OR4P4: variants seen among roughly 807,000 people sequenced by gnomAD.
OR4P4 encodes the protein olfactory receptor family 4 subfamily P member 4, also known as olfactory receptor 4P4.
In OR4P4, 1 loss-of-function variant was observed where a neutral mutation model predicts 2.1. That is an observed-to-expected ratio of 0.47 (90% confidence interval 0.17 to 2.21). OR4P4 has a LOEUF of 2.21. Among genes scored for constraint, OR4P4 ranks in the 30% most tolerant of loss-of-function variants. The probability of loss-of-function intolerance (pLI) is 0.27; values close to 1 mark genes in which losing one functional copy is unlikely to be tolerated. For synonymous variants in OR4P4, 129 were observed against 133.2 expected (o/e 0.97, Z 0.22); for missense variants, 375 against 376.5 (o/e 1.00, Z 0.03).
rs757634492 is a variant in OR4P4 at position 55,638,032 on chromosome 11, T to C, written c.-30-296T>C. ...TTGTATTACAATATTGTATATTACATTAGACTTTGGAAATAAACATTCCCT... is the reference window on the plus strand; with the variant it reads ...TTGTATTACAATATTGTATATTACACTAGACTTTGGAAATAAACATTCCCT... On this transcript the variant is annotated intron_variant, in intron 1 of 1. Transcript: ENST00000641760. Among the ~76,000 whole-genome samples the C allele has an allele frequency of 3.0e-4, 41 of 138,338 alleles. 4 individuals are homozygous for C. The highest frequency in any genetic ancestry group is 6.3e-4 in the African/African-American group (25 of 39,902). 90.8% of individuals were successfully genotyped at this position (138,338 alleles called of 152,430 possible).
rs978284115 is a variant in OR4P4, at chr11:55,635,924, T to C, written c.-31+708T>C. On this transcript the variant is annotated intron_variant, in intron 1 of 1. Coordinates refer to ENST00000641760, the Ensembl canonical transcript of OR4P4. ...CCACTGGGGATGAGATGACATATTCTAGAAAAATAAGATAAATGTCAACAG... is the reference window on the plus strand; with the variant it reads ...CCACTGGGGATGAGATGACATATTCCAGAAAAATAAGATAAATGTCAACAG... Among the ~76,000 whole-genome samples the C allele has an allele frequency of 8.7e-5, 12 of 137,472 alleles. 1 individual carries two copies. The highest frequency in any genetic ancestry group is 2.5e-4 in the African/African-American group (10 of 39,844). The allele number at this position is 137,472 out of a possible 152,430, so 90.2% of individuals were successfully genotyped here.
In OR4P4 at chr11:55,638,771, G is replaced by C. The variant is rs376270042; in HGVS notation, c.414G>C (p.Lys138Asn). 2.0e-6 allele frequency: 3 copies of C among 1,492,862 alleles called. 1 individual carries two copies. Among genetic ancestry groups the C allele is most frequent in the Non-Finnish European group, 2.7e-6 (3 of 1,098,016 alleles). The allele number at this position is 1,492,862 out of a possible 1,614,324, so 92.5% of individuals were successfully genotyped here. A position where few individuals can be genotyped will look rare whatever the true frequency, so the allele number is the denominator to read the frequency against. ...ACACCATTATTATGAGCAGGCAAAA[G>C]TGTAACACAATCATCATAGTTTGTT... The change falls in exon 2 of 2, where the codon AAG becomes AAC. Residue 138 changes from lysine (K) to asparagine (N), a missense_variant. Transcript: ENST00000641760.
rs147887185 is a variant in OR4P4 at position 55,639,174 on chromosome 11, T to C, written c.817T>C (p.Tyr273His). The change falls in exon 2 of 2, where the codon TAT becomes CAT. Residue 273 changes from tyrosine to histidine, a missense_variant. Tyr to His is a moderately conservative substitution (Grantham distance 83, BLOSUM62 2). Transcript: ENST00000641760. ...AGAAGATAAAGTGTTTGCCCTTTTT[T>C]ATACCATCATTGCTCCCATGTTCAA... 1.7e-5 allele frequency: 25 copies of C among 1,489,544 alleles called. 4 individuals carry two copies. The African/African-American group carries it at 2.7e-4, about 16-fold the overall frequency. 92.3% of individuals were successfully genotyped at this position (1,489,544 alleles called of 1,614,324 possible).
At chr11:55,640,048 C>T (rs7113331) in exon 2 of OR4P4, 7,164 of 134,398 alleles carry the variant, frequency 0.053, 1,519 homozygotes, top group Non-Finnish European at 0.083. Context: ...GCAGGAGAAT[C>T]GCTTGAACTC....
At chr11:55,636,514 G>C (rs1858390094) in intron 1 of OR4P4, among the ~76,000 whole-genome samples, 2 of 137,546 alleles carry the variant, frequency 1.5e-5, no homozygotes, top group South Asian at 4.7e-4. Context: ...TTCAGAGTTG[G>C]GACAGTCAGG....
In OR4P4 at chr11:55,636,903, T is replaced by C. The variant is rs190788714; in HGVS notation, c.-30-1425T>C. ...AAACAAGTTATAAAATTTGCAAGAT[T>C]ACATTTGAAGTTAGTGGCTGAATTA... On this transcript the variant is annotated intron_variant, in intron 1 of 1. Coordinates refer to ENST00000641760, the Ensembl canonical transcript of OR4P4. Among the ~76,000 whole-genome samples, 6 of 138,244 alleles carry C rather than the reference T, an allele frequency of 4.3e-5. 1 individual carries two copies. In the East Asian group the frequency reaches 1.4e-3, roughly 32 times the overall value. The allele number at this position is 138,244 out of a possible 152,430, so 90.7% of individuals were successfully genotyped here.
rs757191509 is a variant in OR4P4, at chr11:55,638,486, A to G, written c.129A>G (p.Ile43Met). The G allele has an allele frequency of 8.1e-6, 12 of 1,478,806 alleles. 5 individuals are homozygous for G. The East Asian group carries it at 2.1e-4, about 25-fold the overall frequency. The allele number at this position is 1,478,806 out of a possible 1,614,324, so 91.6% of individuals were successfully genotyped here. ...CTATTTGGATGGGAAACTTACTCATAATGATTTCTATCACGTGCACCCAGC... is the reference window on the plus strand; with the variant it reads ...CTATTTGGATGGGAAACTTACTCATGATGATTTCTATCACGTGCACCCAGC... The change falls in exon 2 of 2, where the codon ATA becomes ATG. Residue 43 changes from isoleucine to methionine, a missense_variant. Ile to Met is a conservative substitution (Grantham distance 10). Coordinates refer to ENST00000641760, the Ensembl canonical transcript of OR4P4.
exon 2 of OR4P4, chr11:55,638,457 A>C: frequency 6.8e-7 from 1 of 1,467,618 alleles, no homozygotes; most frequent in Non-Finnish European, 9.3e-7. Flanking sequence ...GTTTTGCTAC[A>C]TTGCTATTTG....
At chr11:55,637,905 G>T (rs1361187242) in intron 1 of OR4P4, among the ~76,000 whole-genome samples, 3 of 137,924 alleles carry the variant, frequency 2.2e-5, no homozygotes, top group African/African-American at 7.5e-5. Flanking sequence ...TTAATTCAAT[G>T]AATTTTCTAC....
rs1858406344 is a variant in OR4P4, at chr11:55,637,843, G to T, written c.-30-485G>T. 1.4e-5 allele frequency among the ~76,000 whole-genome samples: 2 copies of T among 138,102 alleles called. 1 individual carries two copies. Among genetic ancestry groups the T allele is most frequent in the African/African-American group, 5.0e-5 (2 of 39,944 alleles). The allele number at this position is 138,102 out of a possible 152,430, so 90.6% of individuals were successfully genotyped here. ...ACCTACAACGTTGGTTTTAGTTTAT[G>T]CAATCAAATCCCATTTGTTGATATC... On this transcript the variant is annotated intron_variant, in intron 1 of 1. Transcript: ENST00000641760.
exon 2 of OR4P4, chr11:55,638,678 C>T (rs1444679059): frequency 2.7e-6 from 4 of 1,490,900 alleles, no homozygotes; most frequent in Non-Finnish European, 3.7e-6. Flanking sequence ...TTTTTGGAGG[C>T]ATAGAGATCT....
At position 55,639,955 on chromosome 11, in the gene OR4P4, G is replaced by A. The variant is rs1858438484; in HGVS notation, c.*659G>A. On this transcript the variant is annotated 3_prime_UTR_variant, in exon 2 of 2. Coordinates refer to ENST00000641760, the Ensembl canonical transcript of OR4P4. ...TCGAGACCAGCCTGGCCAAGATGGT[G>A]AAACCCCGTCACTACTAAAAATACA... 2.2e-5 allele frequency: 3 copies of A among 135,796 alleles called. No individual in the cohort carries two copies. In the South Asian group the frequency reaches 7.3e-4, roughly 33 times the overall value. 8.4% of individuals were successfully genotyped at this position (135,796 alleles called of 1,614,324 possible).
chr11:55,639,482 C>T lies in OR4P4; in HGVS notation c.*186C>T, dbSNP rs1590790788. 1.3e-5 allele frequency: 6 copies of T among 448,290 alleles called. 1 individual carries two copies. Among genetic ancestry groups the T allele is most frequent in the Admixed American group, 4.5e-5 (1 of 22,350 alleles). The allele number at this position is 448,290 out of a possible 1,614,324, so 27.8% of individuals were successfully genotyped here. A position where few individuals can be genotyped will look rare whatever the true frequency, so the allele number is the denominator to read the frequency against. On this transcript the variant is annotated 3_prime_UTR_variant, in exon 2 of 2. Transcript: ENST00000641760. ...CATTATTCTTATCCATACTCTCCTC[C>T]GCCTTTCTTAATCATTACGATTGTG...
chr11:55,638,156 G>GTA (rs1344483587), intron 1 of OR4P4, among the ~76,000 whole-genome samples, 172 bp from the exon 2 acceptor site: 1 of 136,610 alleles, frequency 7.3e-6, no homozygotes, highest in Non-Finnish European at 1.6e-5. Context: ...AAATCATCTA[G>GTA]TATATATATA....
Position 55,638,913 on chromosome 11 carries a change from G to T in OR4P4, c.556G>T (p.Ala186Ser). 2.0e-6 allele frequency: 3 copies of T among 1,490,980 alleles called. 1 individual carries two copies. Among genetic ancestry groups the T allele is most frequent in the Non-Finnish European group, 2.7e-6 (3 of 1,096,696 alleles). 92.4% of individuals were successfully genotyped at this position (1,490,980 alleles called of 1,614,324 possible). ...TGATGTGTATCCTTTGCTGAAATTG[G>T]CCTGTTCTAATATACACATGATAGG... Residue 186 changes from alanine (A) to serine (S), a missense_variant, in exon 2 of 2, where the codon GCC (alanine) becomes TCC (serine). Ala to Ser is a moderately conservative substitution (Grantham distance 99). Transcript: ENST00000641760.
intron 1 of OR4P4, among the ~76,000 whole-genome samples, chr11:55,637,647 G>A (rs1250843675): frequency 1.5e-5 from 2 of 137,834 alleles, no homozygotes; most frequent in African/African-American, 5.0e-5. Flanking sequence ...TGAAATTAGG[G>A]CTGAAAATGT....
At position 55,639,361 on chromosome 11, in the gene OR4P4, T is replaced by C. The variant is rs1429609541; in HGVS notation, c.*65T>C. The stretch of plus-strand genomic sequence containing the variant: ...AGAAAAATTCACTCTCATCTTGCTC[T>C]TGTCCTTAATGTTTGGAGAGAAAAG... On this transcript the variant is annotated 3_prime_UTR_variant, in exon 2 of 2. Transcript: ENST00000641760. 5.5e-6 allele frequency: 5 copies of C among 903,412 alleles called. 1 individual carries two copies. The East Asian group carries it at 1.2e-4, about 22-fold the overall frequency. 56.0% of individuals were successfully genotyped at this position (903,412 alleles called of 1,614,324 possible).
chr11:55,638,361 G>GA lies in OR4P4; in HGVS notation c.10dup (p.Ser4LysfsTer3). On this transcript the variant is annotated frameshift_variant, in exon 2 of 2. Coordinates refer to ENST00000641760, the Ensembl canonical transcript of OR4P4. LOFTEE classifies it low-confidence loss of function (END_TRUNC). Reference sequence around the variant, plus strand: ...TATGTTCTATCTACACTGGACCATGGAAAAAAGCAATAATAGCACTTTGTT... The same window carrying GA: ...TATGTTCTATCTACACTGGACCATGGAAAAAAAGCAATAATAGCACTTTGTT... 3.0e-6 allele frequency: 4 copies of GA among 1,342,522 alleles called. 1 individual carries two copies. The highest frequency in any genetic ancestry group is 1.4e-5 in the South Asian group (1 of 71,160). 83.2% of individuals were successfully genotyped at this position (1,342,522 alleles called of 1,614,324 possible).
chr11:55,638,608 T>C, exon 2 of OR4P4: 1 of 1,486,992 alleles, frequency 6.7e-7, no homozygotes, highest in Non-Finnish European at 9.1e-7. Flanking sequence ...GTTGACTTAC[T>C]GGCAGAAAGA....
Sources: gnomAD v4.1 joint callset for allele counts (sites outside exome capture counted in the v4.1 genomes callset) on GRCh38, gnomAD v4.1.1 for gene constraint, MANE v1.5 for transcripts, NCBI Gene and HGNC (gene_info 2026-07-23, HGNC 2026-07-21) for gene names.